MYO16: variants seen among roughly 807,000 people sequenced by gnomAD.
MYO16 encodes the protein myosin XVI.
A neutral mutation model predicts 205.3 loss-of-function variants in MYO16; 94 were observed. The ratio of observed to expected loss-of-function variants is 0.46; its 90% CI spans 0.39 to 0.54. MYO16 has a LOEUF of 0.54. Ranked by LOEUF, MYO16 falls within the 20% of genes least tolerant of loss-of-function variation. The pLI is 0.00. For missense variants in MYO16, 2,315 were observed against 2,387.5 expected, an observed-to-expected ratio of 0.97 and a Z score of 0.63; for synonymous variants, 988 against 954.0, an observed-to-expected ratio of 1.04 and a Z score of -0.66.
intron 31 of MYO16, among the ~76,000 whole-genome samples, chr13:109,135,715 G>A (rs758327162): frequency 5.3e-5 from 8 of 152,212 alleles, no homozygotes; most frequent in Non-Finnish European, 1.0e-4. Flanking sequence ...GCTCCTTTCA[G>A]TGTAAACTGA....
At chr13:109,078,115 A>G (rs1426244558) in intron 27 of MYO16, among the ~76,000 whole-genome samples, 2 of 151,962 alleles carry the variant, frequency 1.3e-5, no homozygotes, top group Non-Finnish European at 2.9e-5. Context: ...CTAGAAGTTT[A>G]ATTTGGATCC....
At chr13:109,132,510 ATACT>A (rs1242627046) in intron 31 of MYO16, among the ~76,000 whole-genome samples, 2 of 152,188 alleles carry the variant, frequency 1.3e-5, no homozygotes, top group African/African-American at 4.8e-5. Context: ...CACTCATCAA[ATACT>A]TACCAAGTGA....
rs575700043 is a variant in MYO16, at chr13:109,174,477, AG to A, written c.5324-5059del. The stretch of plus-strand genomic sequence containing the variant: ...AAAGTTTGAGAAATTTACATTGAGA[AG>A]GGGGGAAATGGAGACATACAATAGG... On this transcript the variant is annotated intron_variant, in intron 33 of 34. Transcript: ENST00000457511. 2.0e-3 allele frequency among the ~76,000 whole-genome samples: 308 copies of A among 152,280 alleles called. 1 individual carries two copies. Among genetic ancestry groups the A allele is most frequent in the African/African-American group, 7.0e-3 (293 of 41,564 alleles).
At chr13:108,647,674 G>C (rs538245342) in intron 1 of MYO16, among the ~76,000 whole-genome samples, 4 of 152,018 alleles carry the variant, frequency 2.6e-5, no homozygotes, top group Non-Finnish European at 5.9e-5. Context: ...GAATCTCTAA[G>C]TACTAAATTC....
rs141822029 is a variant in MYO16, at chr13:108,927,116, AAG to A, written c.1925+16988_1925+16989del. Among the ~76,000 whole-genome samples the A allele has an allele frequency of 9.0e-3, 1,336 of 147,644 alleles. 15 individuals carry two copies. Among genetic ancestry groups the A allele is most frequent in the African/African-American group, 0.022 (895 of 40,580 alleles). ...AGGTGAAGCCATCTGTCAACAACTG[AAG>A]AGAGAGAGAGAGAGAGAGAGACTGT... is the stretch of plus-strand genomic sequence containing the variant. On this transcript the variant is annotated intron_variant, in intron 16 of 34. Coordinates refer to ENST00000457511, the MANE Select transcript of MYO16 (RefSeq NM_001198950.3).
chr13:108,867,695 A>G (rs1407606277), intron 12 of MYO16, among the ~76,000 whole-genome samples: 5 of 152,252 alleles, frequency 3.3e-5, no homozygotes, highest in African/African-American at 1.2e-4. Flanking sequence ...AATATTGCAT[A>G]GCATACAAAT....
chr13:109,185,119 C>T (rs960210232), intron 34 of MYO16, among the ~76,000 whole-genome samples: 1 of 152,134 alleles, frequency 6.6e-6, no homozygotes, highest in Non-Finnish European at 1.5e-5. Context: ...TCTGCAAGCT[C>T]ACCTTCTAGA....
chr13:108,613,805 C>T (rs1165959461), intron 1 of MYO16, among the ~76,000 whole-genome samples: 2 of 152,114 alleles, frequency 1.3e-5, no homozygotes, highest in East Asian at 3.9e-4. Flanking sequence ...TCACAGTAGA[C>T]TCAGAAAAAT....
At chr13:108,544,593 CCTAT>C in the MYO16 span, among the ~76,000 whole-genome samples, 14 of 152,044 alleles carry the variant, frequency 9.2e-5, no homozygotes, top group Non-Finnish European at 1.9e-4. Flanking sequence ...TATAGTTATA[CCTAT>C]CTAACTTTCT....
At chr13:108,658,786 A>T (rs1881357731) in intron 1 of MYO16, among the ~76,000 whole-genome samples, 1 of 152,108 alleles carries the variant, frequency 6.6e-6, no homozygotes, top group African/African-American at 2.4e-5. Flanking sequence ...ATTTATTGAG[A>T]TTTGCTTTGC....
intron 14 of MYO16, among the ~76,000 whole-genome samples, chr13:108,891,994 C>G (rs1880197661): frequency 6.6e-6 from 1 of 151,954 alleles, no homozygotes; most frequent in African/African-American, 2.4e-5. Flanking sequence ...ATGAGAATAA[C>G]TGATTTTTAA....
At chr13:108,832,797 T>G (rs1876695538) in intron 9 of MYO16, among the ~76,000 whole-genome samples, 1 of 151,776 alleles carries the variant, frequency 6.6e-6, no homozygotes, top group Non-Finnish European at 1.5e-5. Context: ...TATGTGTAAT[T>G]TTTTTATTTA....
At chr13:108,746,275 G>A (rs190774800) in intron 4 of MYO16, among the ~76,000 whole-genome samples, 1 of 152,216 alleles carries the variant, frequency 6.6e-6, no homozygotes, top group African/African-American at 2.4e-5. Flanking sequence ...TCAGTAGACT[G>A]GACATAGGCA....
chr13:108,684,111 T>C (rs1882576584), intron 2 of MYO16, among the ~76,000 whole-genome samples: 1 of 152,196 alleles, frequency 6.6e-6, no homozygotes. Flanking sequence ...CCTGACCTCG[T>C]GATCCGCCCG....
intron 34 of MYO16, among the ~76,000 whole-genome samples, chr13:109,186,864 C>CA (rs542360217): frequency 2.6e-5 from 4 of 152,026 alleles, no homozygotes; most frequent in Non-Finnish European, 5.9e-5. Flanking sequence ...CTGGGGGAAA[C>CA]AAAAAAATTG....
intron 1 of MYO16, among the ~76,000 whole-genome samples, chr13:108,652,187 G>T (rs1042500345): frequency 6.6e-6 from 1 of 152,186 alleles, no homozygotes; most frequent in Non-Finnish European, 1.5e-5. Flanking sequence ...GTGTGTGTGT[G>T]TGAATGTGTC....
intron 21 of MYO16, among the ~76,000 whole-genome samples, chr13:109,007,163 T>C (rs907367552): frequency 3.9e-5 from 6 of 151,926 alleles, no homozygotes; most frequent in South Asian, 2.1e-4. Context: ...CCAAGGCGGG[T>C]GGATCACGAG....
At chr13:109,094,314 C>T (rs146915711) in intron 27 of MYO16, among the ~76,000 whole-genome samples, 2,025 of 152,204 alleles carry the variant, frequency 0.013, 44 homozygotes, top group African/African-American at 0.046. Context: ...GGGCTCAATC[C>T]ATCCTCCTGC....
At chr13:109,014,527 A>T (rs924551514) in intron 22 of MYO16, among the ~76,000 whole-genome samples, 1 of 152,090 alleles carries the variant, frequency 6.6e-6, no homozygotes, top group African/African-American at 2.4e-5. Flanking sequence ...CTTGATGGGG[A>T]TGGCATTGAA....
Sources: allele counts gnomAD v4.1 joint callset (sites outside exome capture counted in the v4.1 genomes callset), GRCh38; gene constraint gnomAD v4.1.1; transcripts MANE v1.5; gene names NCBI Gene and HGNC (gene_info 2026-07-23, HGNC 2026-07-21).